CNTN5: variants seen among roughly 807,000 people sequenced by gnomAD.
CNTN5 encodes the protein contactin-5.
Under a neutral mutation model 129.1 loss-of-function variants are expected in CNTN5, and 77 were observed. That is an observed-to-expected ratio of 0.60 (90% CI 0.50 to 0.72). The LOEUF is 0.72. CNTN5 is among the 30% of genes least tolerant of loss of function. CNTN5 has a pLI of 0.00. For synonymous variants in CNTN5, 509 were observed against 465.6 expected (o/e 1.09, Z -1.20); for missense variants, 1,478 against 1,328.8 (o/e 1.11, Z -1.75).
At chr11:99,588,250 A>G (rs781259396) in intron 3 of CNTN5, among the ~76,000 whole-genome samples, 5 of 149,336 alleles carry the variant, frequency 3.3e-5, no homozygotes, top group Admixed American at 1.3e-4. Flanking sequence ...AGGCTGAGGC[A>G]GGAGAATGGC....
At chr11:100,137,555 TC>T (rs147712972) in intron 13 of CNTN5, among the ~76,000 whole-genome samples, 473 of 152,204 alleles carry the variant, frequency 3.1e-3, no homozygotes, top group Non-Finnish European at 5.1e-3. Context: ...TCTCAAATTA[TC>T]CATGTAATAT....
chr11:99,355,401 C>G (rs1938576513), intron 2 of CNTN5, among the ~76,000 whole-genome samples: 1 of 152,138 alleles, frequency 6.6e-6, no homozygotes, highest in African/African-American at 2.4e-5. Context: ...TAAGAAATCT[C>G]TCTGGGACCA....
chr11:100,342,268 C>T (rs1324925702), intron 23 of CNTN5, among the ~76,000 whole-genome samples: 3 of 151,882 alleles, frequency 2.0e-5, no homozygotes, highest in Admixed American at 1.3e-4. Context: ...TTCCCTTACT[C>T]CTCTTTCCAT....
intron 15 of CNTN5, among the ~76,000 whole-genome samples, chr11:100,196,918 A>T (rs1948653937): frequency 1.3e-5 from 2 of 151,974 alleles, no homozygotes; most frequent in South Asian, 2.1e-4. Flanking sequence ...GGGGATGGGG[A>T]TCCAAAATAA....
In CNTN5 at chr11:100,331,132, G is replaced by A. The variant is rs563066664; in HGVS notation, c.2731-9331G>A. On this transcript the variant is annotated intron_variant, in intron 21 of 24. Transcript: ENST00000524871. Reference sequence around the variant, plus strand: ...TCATATAAACTTAAGGTAAAAAGGTGGAAAAAGATATTCAATGCAAATGGA... The same window carrying A: ...TCATATAAACTTAAGGTAAAAAGGTAGAAAAAGATATTCAATGCAAATGGA... Among the ~76,000 whole-genome samples, 8 of 152,136 alleles carry A rather than the reference G, an allele frequency of 5.3e-5. No homozygotes were observed. In the South Asian group the frequency reaches 1.7e-3, roughly 32 times the overall value.
At chr11:100,213,323 T>C (rs1232770483) in intron 15 of CNTN5, among the ~76,000 whole-genome samples, 1 of 152,182 alleles carries the variant, frequency 6.6e-6, no homozygotes, top group African/African-American at 2.4e-5. Context: ...CACCTGTCAA[T>C]GACTTCAGTT....
At chr11:99,188,739 T>C (rs892847678) in intron 1 of CNTN5, among the ~76,000 whole-genome samples, 1 of 151,670 alleles carries the variant, frequency 6.6e-6, no homozygotes, top group Non-Finnish European at 1.5e-5. Context: ...TTATGTTTAA[T>C]TGACAAAAAA....
chr11:99,217,965 AAAG>A (rs944309293), intron 1 of CNTN5, among the ~76,000 whole-genome samples: 11 of 152,326 alleles, frequency 7.2e-5, no homozygotes, highest in African/African-American at 2.6e-4. Context: ...AAATAAAAAC[AAAG>A]AAGTTTTGAT....
intron 3 of CNTN5, among the ~76,000 whole-genome samples, chr11:99,674,341 G>A (rs925230971): frequency 1.3e-5 from 2 of 151,412 alleles, no homozygotes; most frequent in Non-Finnish European, 2.9e-5. Context: ...CCTTATAGAT[G>A]CTCGATTTTA....
chr11:100,268,270 T>G (rs1950343329), intron 17 of CNTN5, among the ~76,000 whole-genome samples: 1 of 152,186 alleles, frequency 6.6e-6, no homozygotes, highest in Non-Finnish European at 1.5e-5. Context: ...AAGTGAGAGG[T>G]TTAGCGTAAA....
chr11:99,255,822 G>GCACACA (rs1425938119), intron 1 of CNTN5, among the ~76,000 whole-genome samples: 1 of 149,190 alleles, frequency 6.7e-6, no homozygotes, highest in East Asian at 2.0e-4. Context: ...ACACGCACAC[G>GCACACA]CACACACATG....
chr11:100,060,638 TTC>T (rs937905532), intron 9 of CNTN5, among the ~76,000 whole-genome samples: 5 of 104,948 alleles, frequency 4.8e-5, no homozygotes, highest in African/African-American at 2.1e-4. Flanking sequence ...ACAATTTTTT[TTC>T]TTTTTTTTTT....
intron 3 of CNTN5, among the ~76,000 whole-genome samples, chr11:99,611,090 T>C (rs1001821586): frequency 2.6e-5 from 4 of 152,160 alleles, no homozygotes; most frequent in Admixed American, 2.0e-4. Context: ...ATGCAAATGA[T>C]TTCAAACTTT....
At chr11:99,108,446 T>C (rs1329459504) in intron 1 of CNTN5, among the ~76,000 whole-genome samples, 1 of 152,140 alleles carries the variant, frequency 6.6e-6, no homozygotes, top group Non-Finnish European at 1.5e-5. Flanking sequence ...CTTCTTAAGG[T>C]TAGGTCTTTA....
At chr11:100,342,465 C>T (rs1040541504) in intron 23 of CNTN5, among the ~76,000 whole-genome samples, 11 of 152,016 alleles carry the variant, frequency 7.2e-5, no homozygotes, top group South Asian at 2.1e-4. Flanking sequence ...ACCAGATAAA[C>T]GTGTATGGTC....
chr11:100,185,985 A>G (rs560300163), intron 13 of CNTN5, among the ~76,000 whole-genome samples: 10 of 152,296 alleles, frequency 6.6e-5, no homozygotes, highest in African/African-American at 2.4e-4. Flanking sequence ...GGGTAAACAG[A>G]CGGTACTTCC....
chr11:99,772,984 A>C (rs1319182112), intron 3 of CNTN5, among the ~76,000 whole-genome samples: 3 of 152,074 alleles, frequency 2.0e-5, no homozygotes, highest in Non-Finnish European at 4.4e-5. Flanking sequence ...ATAGAGGTAT[A>C]ATATACACAT....
intron 8 of CNTN5, among the ~76,000 whole-genome samples, chr11:99,989,019 C>T (rs1209896759): frequency 6.6e-6 from 1 of 152,062 alleles, no homozygotes; most frequent in Non-Finnish European, 1.5e-5. Context: ...ATTAATTTGT[C>T]TAATACATTG....
At chr11:99,662,049 CCAAGTTTTT>C (rs2135919246) in intron 3 of CNTN5, among the ~76,000 whole-genome samples, 1 of 152,154 alleles carries the variant, frequency 6.6e-6, no homozygotes, top group African/African-American at 2.4e-5. Context: ...TAGGAATTAT[CCAAGTTTTT>C]CAATATCTAG....
Sources: allele counts gnomAD v4.1 joint callset (sites outside exome capture counted in the v4.1 genomes callset), GRCh38; gene constraint gnomAD v4.1.1; transcripts MANE v1.5; gene names NCBI Gene and HGNC (gene_info 2026-07-23, HGNC 2026-07-21).